RIN2: variants seen among roughly 807,000 people sequenced by gnomAD.
RIN2 encodes Ras and Rab interactor 2.
Under a neutral mutation model 78.0 loss-of-function variants are expected in RIN2, and 36 were observed. The ratio of observed to expected loss-of-function variants is 0.46; its 90% CI spans 0.35 to 0.61. The LOEUF (loss-of-function observed/expected upper bound fraction) is 0.61. RIN2 is among the 20% of genes least tolerant of loss of function. The pLI is 0.00. For missense variants in RIN2, 1,087 were observed against 1,159.7 expected (o/e 0.94, Z 0.91); for synonymous variants, 466 against 466.8 (o/e 1.00, Z 0.02).
At chr20:19,957,769 C>G (rs1226512895) in intron 5 of RIN2, among the ~76,000 whole-genome samples, 1 of 152,112 alleles carries the variant, frequency 6.6e-6, no homozygotes, top group Non-Finnish European at 1.5e-5. Flanking sequence ...TGAATTAAAG[C>G]AAATAAAATT....
intron 4 of RIN2, among the ~76,000 whole-genome samples, chr20:19,945,509 G>A (rs1288030519): frequency 2.0e-5 from 3 of 152,118 alleles, no homozygotes; most frequent in African/African-American, 7.2e-5. Context: ...CCTGCACTCA[G>A]CAGGCCACTT....
chr20:19,835,051 CAG>C (rs932581297), intron 2 of RIN2, among the ~76,000 whole-genome samples: 5 of 131,642 alleles, frequency 3.8e-5, no homozygotes, highest in Non-Finnish European at 1.6e-5. Context: ...AAGAAAAAGA[CAG>C]AAAGAAAGAG....
chr20:19,792,657 T>C (rs1319114932), intron 1 of RIN2, among the ~76,000 whole-genome samples: 2 of 152,162 alleles, frequency 1.3e-5, no homozygotes, highest in African/African-American at 2.4e-5. Flanking sequence ...GATTTGGTGA[T>C]TGACAAGCCA....
rs1057087286 is a variant in RIN2, at chr20:19,970,887, A to C, written c.586A>C (p.Lys196Gln). Residue 196 changes from lysine to glutamine, a missense_variant, in exon 8 of 13, where the codon AAG (lysine) becomes CAG (glutamine). Transcript: ENST00000255006. ...GTTGCCTTATGCCATTTCAACAGCC[A>C]AGTCGGAGGCTCAGCTTGAAGAACT... ...LKLPYAISTA[K>Q]SEAQLEELAQ... is the part of the protein sequence containing the mutation. 4.6e-5 allele frequency: 75 copies of C among 1,613,622 alleles called. No individual in the cohort carries two copies. The highest frequency in any genetic ancestry group is 6.1e-5 in the Non-Finnish European group (72 of 1,179,814).
intron 4 of RIN2, among the ~76,000 whole-genome samples, chr20:19,948,802 T>C (rs1331062870): frequency 2.6e-5 from 4 of 152,098 alleles, no homozygotes; most frequent in African/African-American, 9.7e-5. Context: ...TTAATTTTAA[T>C]TTTATTTATT....
At chr20:19,937,658 T>C (rs1393004646) in intron 4 of RIN2, among the ~76,000 whole-genome samples, 2 of 152,236 alleles carry the variant, frequency 1.3e-5, no homozygotes, top group Non-Finnish European at 2.9e-5. Flanking sequence ...TGAATAATCT[T>C]TTGAATGCAT....
chr20:19,842,387 CTTTTTTTTTTTTTT>C (rs139642869), intron 2 of RIN2, among the ~76,000 whole-genome samples: 1 of 46,198 alleles, frequency 2.2e-5, no homozygotes, highest in East Asian at 8.5e-4. Flanking sequence ...CCATCCCTGG[CTTTTTTTTTTTTTT>C]TTTTTTTTTT....
At chr20:19,833,422 C>T (rs941363199) in intron 2 of RIN2, among the ~76,000 whole-genome samples, 6 of 152,116 alleles carry the variant, frequency 3.9e-5, no homozygotes, top group Admixed American at 3.3e-4. Flanking sequence ...ACTCCCGACT[C>T]CCCAACAGGA....
chr20:19,765,070 G>A (rs149334199), intron 1 of RIN2, among the ~76,000 whole-genome samples: 1,771 of 151,638 alleles, frequency 0.012, 39 homozygotes, highest in African/African-American at 0.04. Context: ...GGCTGGTCTC[G>A]AACTCCTGAC....
intron 2 of RIN2, chr20:19,823,928 C>G (rs2036004060): frequency 6.4e-7 from 1 of 1,561,724 alleles, no homozygotes; most frequent in South Asian, 1.1e-5. Flanking sequence ...TCGTTCGGGT[C>G]GAACTTCGGC....
chr20:19,774,149 G>A (rs1465791151), intron 1 of RIN2, among the ~76,000 whole-genome samples: 1 of 152,012 alleles, frequency 6.6e-6, no homozygotes, highest in Non-Finnish European at 1.5e-5. Flanking sequence ...AATTTTTCAA[G>A]ACAGAGCTCA....
chr20:19,907,167 C>G (rs2039255062), intron 3 of RIN2, among the ~76,000 whole-genome samples: 1 of 152,130 alleles, frequency 6.6e-6, no homozygotes, highest in South Asian at 2.1e-4. Context: ...CTGAACTCAT[C>G]CTTTTATCAG....
chr20:19,847,931 G>A (rs574574630), intron 2 of RIN2, among the ~76,000 whole-genome samples: 1 of 152,250 alleles, frequency 6.6e-6, no homozygotes, highest in South Asian at 2.1e-4. Context: ...TATGGTCCTT[G>A]TTGCAAACAT....
At position 19,975,161 on chromosome 20, in the gene RIN2, G is replaced by A. The variant is rs1350785023; in HGVS notation, c.1136G>A (p.Gly379Asp). 1.9e-6 allele frequency: 3 copies of A among 1,612,022 alleles called. No homozygotes were observed. The South Asian group carries it at 3.3e-5, about 18-fold the overall frequency. ...EAEGGAKTLSGGRPGAGPELE... is the reference protein window; with the variant it reads ...EAEGGAKTLSDGRPGAGPELE... ...GAGGGCGGTGCAAAGACCTTGAGCG[G>A]CGGCCGGCCGGGCGCAGGCCCGGAG... Residue 379 changes from glycine to aspartate, a missense_variant, in exon 9 of 13, where the codon GGC becomes GAC. Physicochemically the swap from Gly to Asp is moderately conservative, Grantham distance 94 (BLOSUM62 -1). This residue lies in a region of RIN2 where 706 missense variants were observed against 667.5 expected (regional missense o/e 1.06). Transcript: ENST00000255006. This position sits in a 1 kb window ranked among gnomAD's most constrained non-coding sequence, Gnocchi z 4.9.
At chr20:19,844,137 A>C (rs1036574466) in intron 2 of RIN2, among the ~76,000 whole-genome samples, 2 of 152,094 alleles carry the variant, frequency 1.3e-5, no homozygotes, top group African/African-American at 2.4e-5. Context: ...ATGTTGGTGG[A>C]GTGTTTTTCC....
rs1224090441 is a variant in RIN2 at position 19,824,303 on chromosome 20, T to C, written c.-37+24556T>C. On this transcript the variant is annotated intron_variant, in intron 2 of 12. Transcript: ENST00000255006. The stretch of plus-strand genomic sequence containing the variant: ...TGAGATAATTTTAGATGGAACATCT[T>C]TTTTGGGCTTAGGGGTTTATTTTAA... Among the ~76,000 whole-genome samples, 4 of 152,346 alleles carry C rather than the reference T, an allele frequency of 2.6e-5. No homozygotes were observed. In the East Asian group the frequency reaches 5.8e-4, roughly 22 times the overall value.
intron 7 of RIN2, 124 bp downstream of exon 7, chr20:19,965,148 G>T (rs1568671574): frequency 1.3e-6 from 1 of 755,734 alleles, no homozygotes. Context: ...ATTAAGACTG[G>T]TTACTTAAGT....
chr20:19,977,641 C>T (rs909560773), intron 9 of RIN2, among the ~76,000 whole-genome samples: 25 of 152,090 alleles, frequency 1.6e-4, no homozygotes, highest in Non-Finnish European at 3.5e-4. Flanking sequence ...CTAGCAGGTG[C>T]GGTATTTGAA....
At chr20:19,871,156 T>C (rs1390725028) in intron 2 of RIN2, among the ~76,000 whole-genome samples, 1 of 152,190 alleles carries the variant, frequency 6.6e-6, no homozygotes, top group African/African-American at 2.4e-5. Flanking sequence ...TCTTAAAAGC[T>C]TTCATTGTGG....
Sources: allele counts gnomAD v4.1 joint callset (sites outside exome capture counted in the v4.1 genomes callset), GRCh38; gene constraint gnomAD v4.1.1; regional missense constraint gnomAD v4.1.1; non-coding constraint Gnocchi (gnomAD v3.1); transcripts MANE v1.5; gene names NCBI Gene and HGNC (gene_info 2026-07-23, HGNC 2026-07-21).